PALS2: variants seen among roughly 807,000 people sequenced by gnomAD.
PALS2 encodes protein PALS2.
PALS2 carries 27 observed loss-of-function variants against 61.6 expected under a neutral mutation model. That is an observed-to-expected ratio of 0.44 (90% CI 0.32 to 0.60). The LOEUF is 0.60. PALS2 is among the 20% of genes least tolerant of loss of function. PALS2 has a pLI of 0.05. For synonymous variants in PALS2, 236 were observed against 218.6 expected, an observed-to-expected ratio of 1.08 and a Z score of -0.70; for missense variants, 554 against 639.4, an observed-to-expected ratio of 0.87 and a Z score of 1.44.
intron 1 of PALS2, among the ~76,000 whole-genome samples, chr7:24,616,216 GAAAT>G (rs1244309017): frequency 1.3e-5 from 2 of 152,002 alleles, no homozygotes; most frequent in African/African-American, 2.4e-5. Flanking sequence ...AAAGGAGAAA[GAAAT>G]AAAAGCCATC....
rs1054975458 is a variant in PALS2 at position 24,680,636 on chromosome 7, C to T, written c.1446+116C>T. On this transcript the variant is annotated intron_variant, in intron 11 of 11. Transcript: ENST00000222644. Reference sequence around the variant, plus strand: ...TTTGAGGCAGAGTTTTGCTTTGTCACCCAGGCTGGAGTGCATTGATGCGAT... The same window carrying T: ...TTTGAGGCAGAGTTTTGCTTTGTCATCCAGGCTGGAGTGCATTGATGCGAT... The T allele has an allele frequency of 3.0e-6, 4 of 1,317,344 alleles. No individual in the cohort carries two copies. In the African/African-American group the frequency reaches 4.5e-5, roughly 15 times the overall value. The allele number at this position is 1,317,344 out of a possible 1,614,324, so 81.6% of individuals were successfully genotyped here. A position where few individuals can be genotyped will look rare whatever the true frequency, so the allele number is the denominator to read the frequency against.
intron 9 of PALS2, among the ~76,000 whole-genome samples, chr7:24,673,932 G>T (rs902570938): frequency 4.6e-5 from 7 of 151,726 alleles, no homozygotes; most frequent in African/African-American, 9.7e-5. Flanking sequence ...GCACTTAGTT[G>T]CATCTTAAAG....
chr7:24,649,888 C>A, intron 4 of PALS2, 124 bp downstream of exon 4: 1 of 960,236 alleles, frequency 1.0e-6, no homozygotes, highest in Non-Finnish European at 1.4e-6. Flanking sequence ...CTTGTTTGGC[C>A]TGTGTATAAA....
chr7:24,624,361 A>G (rs1784646589), intron 2 of PALS2, among the ~76,000 whole-genome samples: 1 of 152,136 alleles, frequency 6.6e-6, no homozygotes, highest in Non-Finnish European at 1.5e-5. Context: ...CTGCTATACC[A>G]TTCTTTAGAG....
chr7:24,683,097 C>T (rs1788017384), intron 11 of PALS2, among the ~76,000 whole-genome samples: 1 of 152,194 alleles, frequency 6.6e-6, no homozygotes, highest in South Asian at 2.1e-4. Context: ...CTCAGTAACT[C>T]TTTACCTACT....
At chr7:24,634,183 ACTTT>A (rs1785135141) in intron 2 of PALS2, among the ~76,000 whole-genome samples, 1 of 152,012 alleles carries the variant, frequency 6.6e-6, no homozygotes, top group Non-Finnish European at 1.5e-5. Flanking sequence ...TTATCTTTTT[ACTTT>A]CTTCTTAGTG....
chr7:24,601,583 T>C (rs1382745792), intron 1 of PALS2, among the ~76,000 whole-genome samples: 2 of 152,162 alleles, frequency 1.3e-5, no homozygotes, highest in East Asian at 1.9e-4. Flanking sequence ...TCCCTCTTTA[T>C]GTTTTGCTTG....
chr7:24,632,571 G>T (rs1356661790), intron 2 of PALS2, among the ~76,000 whole-genome samples: 1 of 151,924 alleles, frequency 6.6e-6, no homozygotes, highest in Non-Finnish European at 1.5e-5. Flanking sequence ...TGTATTTTCA[G>T]TAGTGACTGG....
intron 1 of PALS2, among the ~76,000 whole-genome samples, chr7:24,622,137 T>G (rs1784545956): frequency 6.6e-6 from 1 of 152,050 alleles, no homozygotes; most frequent in South Asian, 2.1e-4. Context: ...TTGAAGACTC[T>G]TTTGGCTATT....
chr7:24,681,992 CTCTTTATTATGAGTATA>C (rs1787960400), intron 11 of PALS2, among the ~76,000 whole-genome samples: 1 of 152,128 alleles, frequency 6.6e-6, no homozygotes, highest in South Asian at 2.1e-4. Flanking sequence ...AATGATTTTT[CTCTTTATTATGAGTATA>C]TCTTCCTGCT....
chr7:24,626,483 A>C (rs1029095411), intron 2 of PALS2, among the ~76,000 whole-genome samples: 48 of 152,142 alleles, frequency 3.2e-4, no homozygotes, highest in African/African-American at 1.2e-3. Flanking sequence ...AAAATGGGCA[A>C]AATAACCAGC....
At chr7:24,652,601 TA>T (rs1396310486) in intron 5 of PALS2, among the ~76,000 whole-genome samples, 1 of 150,812 alleles carries the variant, frequency 6.6e-6, no homozygotes, top group Non-Finnish European at 1.5e-5. Flanking sequence ...TTTTTTTTTT[TA>T]AATGAAAAGG....
chr7:24,636,378 A>G (rs1785240745), intron 2 of PALS2, among the ~76,000 whole-genome samples: 1 of 152,152 alleles, frequency 6.6e-6, no homozygotes, highest in Non-Finnish European at 1.5e-5. Flanking sequence ...CAATCTGATA[A>G]AGAGAAAAGG....
At chr7:24,604,667 A>G (rs1362587795) in intron 1 of PALS2, among the ~76,000 whole-genome samples, 1 of 152,246 alleles carries the variant, frequency 6.6e-6, no homozygotes, top group Non-Finnish European at 1.5e-5. Context: ...TAAGCACACT[A>G]TACCCTAACT....
At chr7:24,620,013 T>G (rs1292505168) in intron 1 of PALS2, 4 of 152,170 alleles carry the variant, frequency 2.6e-5, no homozygotes, top group Admixed American at 2.6e-4. Flanking sequence ...TATCGATATC[T>G]GAATAATTAT....
chr7:24,606,907 G>A (rs1006298375), intron 1 of PALS2, among the ~76,000 whole-genome samples: 1 of 152,122 alleles, frequency 6.6e-6, no homozygotes, highest in Non-Finnish European at 1.5e-5. Flanking sequence ...TATGCTTCAT[G>A]TACACTTTGT....
At chr7:24,662,071 G>T (rs1292833797) in intron 5 of PALS2, among the ~76,000 whole-genome samples, 1 of 152,060 alleles carries the variant, frequency 6.6e-6, no homozygotes, top group African/African-American at 2.4e-5. Context: ...TTGCTTTTTA[G>T]ATCTAAAATT....
chr7:24,608,178 G>T (rs1319134773), intron 1 of PALS2, among the ~76,000 whole-genome samples: 1 of 151,804 alleles, frequency 6.6e-6, no homozygotes, highest in Non-Finnish European at 1.5e-5. Flanking sequence ...ATCTCCTGTT[G>T]TTCAGTACTA....
At chr7:24,673,939 A>G (rs1787432949) in intron 9 of PALS2, among the ~76,000 whole-genome samples, 1 of 152,006 alleles carries the variant, frequency 6.6e-6, no homozygotes, top group African/African-American at 2.4e-5. Context: ...GTTGCATCTT[A>G]AAGTTCTTGG....
Sources: allele counts gnomAD v4.1 joint callset (sites outside exome capture counted in the v4.1 genomes callset), GRCh38; gene constraint gnomAD v4.1.1; transcripts MANE v1.5; gene names NCBI Gene and HGNC (gene_info 2026-07-23, HGNC 2026-07-21).